The following POT1 variants were observed in gnomAD, a reference collection of about 807,000 sequenced individuals.
POT1 encodes the protein protection of telomeres 1.
Under a neutral mutation model 78.5 loss-of-function variants are expected in POT1, and 47 were observed. The ratio of observed to expected loss-of-function variants is 0.60; its 90% CI spans 0.47 to 0.76. The LOEUF (loss-of-function observed/expected upper bound fraction) is 0.76. Ranked by LOEUF, POT1 falls within the 30% of genes least tolerant of loss-of-function variation. The pLI is 0.00. For synonymous variants in POT1, 259 were observed against 260.7 expected (o/e 0.99, Z 0.06); for missense variants, 646 against 749.9 (o/e 0.86, Z 1.62).
At chr7:124,863,754 A>G (rs1439184584) in intron 7 of POT1, 114 bp from the exon 8 acceptor site, 2 of 815,786 alleles carry the variant, frequency 2.5e-6, no homozygotes, top group African/African-American at 3.5e-5. Context: ...TAATTAAGAG[A>G]GGGCATTTTT....
intron 2 of POT1, among the ~76,000 whole-genome samples, chr7:124,920,390 G>C (rs780296063): frequency 6.6e-6 from 1 of 152,130 alleles, no homozygotes; most frequent in Non-Finnish European, 1.5e-5. Flanking sequence ...ACAGTGTCAG[G>C]AAATTGGTAA....
At position 124,841,177 on chromosome 7, in the gene POT1, G is replaced by C; in HGVS notation, c.1165C>G (p.Gln389Glu). 2 of 1,609,456 alleles carry C rather than the reference G, an allele frequency of 1.2e-6. No individual in the cohort carries two copies. The highest frequency in any genetic ancestry group is 1.7e-6 in the Non-Finnish European group (2 of 1,177,794). ...KLHCPKCHLLQEVPHEGDLDI... is the reference protein window; with the variant it reads ...KLHCPKCHLLEEVPHEGDLDI... ...AAATCGCCCTCATGTGGAACTTCTT[G>C]CCTAAAATTATTGGCAATGAAATGA... Residue 389 changes from glutamine (Q) to glutamate (E), a missense_variant and splice_region_variant, in exon 14 of 19, where the codon CAA becomes GAA. By Grantham distance (29) the Gln-to-Glu change is conservative. Around this residue, in one of 2 missense-constraint regions of POT1, gnomAD observed 394 missense variants for 408.4 expected, o/e 0.96. Coordinates refer to ENST00000357628, the MANE Select transcript of POT1 (RefSeq NM_015450.3).
chr7:124,828,958 A>G (rs1328192700), intron 16 of POT1: 1 of 628,558 alleles, frequency 1.6e-6, no homozygotes, highest in South Asian at 1.4e-5. Context: ...CACAATGTCC[A>G]GCTCTGAATG....
chr7:124,902,851 C>CA (rs1267707009), intron 3 of POT1, among the ~76,000 whole-genome samples: 7 of 150,680 alleles, frequency 4.6e-5, no homozygotes, highest in Admixed American at 2.0e-4. Flanking sequence ...CAAATGGAAA[C>CA]AAAAAAAAGC....
rs550709657 is a variant in POT1, at chr7:124,875,751, T to G, written c.125-4710A>C. Among the ~76,000 whole-genome samples the G allele has an allele frequency of 4.6e-5, 7 of 152,276 alleles. No homozygotes were observed. In the South Asian group the frequency reaches 6.2e-4, roughly 14 times the overall value. On this transcript the variant is annotated intron_variant, in intron 6 of 18. Coordinates refer to ENST00000357628, the MANE Select transcript of POT1 (RefSeq NM_015450.3). Reference sequence around the variant, plus strand: ...AAAAATAGGGAGAAAATACAAAATATTTCTGAAAACAGAGAGGAAATATGG... The same window carrying G: ...AAAAATAGGGAGAAAATACAAAATAGTTCTGAAAACAGAGAGGAAATATGG...
chr7:124,910,612 T>C (rs543656721), intron 3 of POT1, among the ~76,000 whole-genome samples: 5 of 152,108 alleles, frequency 3.3e-5, no homozygotes, highest in African/African-American at 9.6e-5. Flanking sequence ...TACTATCTAA[T>C]GGCTCTTTAA....
At chr7:124,830,280 T>A (rs1794728260) in intron 15 of POT1, among the ~76,000 whole-genome samples, 1 of 152,154 alleles carries the variant, frequency 6.6e-6, no homozygotes, top group Non-Finnish European at 1.5e-5. Flanking sequence ...TTTTTTATTA[T>A]GCATCATCAT....
intron 2 of POT1, among the ~76,000 whole-genome samples, chr7:124,923,770 A>G (rs1274629855): frequency 6.6e-6 from 1 of 151,756 alleles, no homozygotes; most frequent in Non-Finnish European, 1.5e-5. Context: ...AAAAATCTTA[A>G]AATTACCAAG....
At chr7:124,866,512 C>T (rs1319724240) in intron 7 of POT1, among the ~76,000 whole-genome samples, 1 of 152,210 alleles carries the variant, frequency 6.6e-6, no homozygotes, top group African/African-American at 2.4e-5. Context: ...GCCTGGCTTT[C>T]AACCAAGTAT....
chr7:124,870,245 CAATT>C (rs1795834678), intron 7 of POT1, among the ~76,000 whole-genome samples: 1 of 151,992 alleles, frequency 6.6e-6, no homozygotes, highest in East Asian at 1.9e-4. Flanking sequence ...CAAAAAAGCT[CAATT>C]AAATAAATAT....
At chr7:124,833,528 T>A (rs1260365529) in intron 15 of POT1, among the ~76,000 whole-genome samples, 1 of 152,218 alleles carries the variant, frequency 6.6e-6, no homozygotes, top group African/African-American at 2.4e-5. Flanking sequence ...CCCTACCCCC[T>A]CCTTCTAAAT....
chr7:124,892,583 T>C (rs1172782956), intron 5 of POT1: 1 of 352,688 alleles, frequency 2.8e-6, no homozygotes, highest in African/African-American at 2.1e-5. Flanking sequence ...AATGGTACAA[T>C]TTGCACACTA....
chr7:124,843,060 T>A, intron 12 of POT1, 97 bp from the exon 13 acceptor site: 3 of 853,514 alleles, frequency 3.5e-6, no homozygotes, highest in Admixed American at 3.6e-5. Flanking sequence ...CTAATTAATT[T>A]AAGCTCTATT....
At chr7:124,885,176 C>T (rs1165996581) in intron 6 of POT1, among the ~76,000 whole-genome samples, 1 of 148,414 alleles carries the variant, frequency 6.7e-6, no homozygotes, top group Non-Finnish European at 1.5e-5. Flanking sequence ...CAATTTTGGG[C>T]TTGGTATGGT....
At chr7:124,857,167 A>G (rs1795466758) in intron 9 of POT1, among the ~76,000 whole-genome samples, 1 of 152,200 alleles carries the variant, frequency 6.6e-6, no homozygotes, top group South Asian at 2.1e-4. Context: ...TTATAAAGGG[A>G]AATTGGGCAT....
rs530943812 is a variant in POT1, at chr7:124,926,203, A to G, written c.-227+2612T>C. ...AAAATATTTGCAAACTATACATTCA[A>G]CAGAGGACTAATATCCAGAATTTAC... On this transcript the variant is annotated intron_variant, in intron 2 of 18. Transcript: ENST00000357628. Among the ~76,000 whole-genome samples the G allele has an allele frequency of 8.5e-5, 13 of 152,310 alleles. No homozygotes were observed. The East Asian group carries it at 2.5e-3, about 29-fold the overall frequency.
intron 7 of POT1, among the ~76,000 whole-genome samples, chr7:124,868,524 T>C (rs994089021): frequency 6.6e-6 from 1 of 151,938 alleles, no homozygotes; most frequent in Non-Finnish European, 1.5e-5. Flanking sequence ...AATAAAAAAT[T>C]ATATTGACCA....
intron 11 of POT1, among the ~76,000 whole-genome samples, chr7:124,851,294 C>G (rs1011185579): frequency 6.6e-6 from 1 of 152,014 alleles, no homozygotes; most frequent in Non-Finnish European, 1.5e-5. Context: ...CAGAGCAAGA[C>G]ACTGTCTCTT....
intron 15 of POT1, among the ~76,000 whole-genome samples, chr7:124,833,771 C>T (rs2896361): frequency 0.4 from 60,666 of 152,028 alleles, 12,243 homozygotes; most frequent in East Asian, 0.49. Flanking sequence ...ATGCCTCACA[C>T]ATTGCGTGTA....
Sources: allele counts gnomAD v4.1 joint callset (sites outside exome capture counted in the v4.1 genomes callset), GRCh38; gene constraint gnomAD v4.1.1; regional missense constraint gnomAD v4.1.1; transcripts MANE v1.5; gene names NCBI Gene and HGNC (gene_info 2026-07-23, HGNC 2026-07-21).